ZSCAN20: variants seen among roughly 807,000 people sequenced by gnomAD.
ZSCAN20 encodes the protein zinc finger and SCAN domain-containing protein 20.
In ZSCAN20, 39 loss-of-function variants were observed where a neutral mutation model predicts 97.1. That is an observed-to-expected ratio of 0.40 (90% CI 0.31 to 0.52). ZSCAN20 has a LOEUF of 0.52. Among genes scored for constraint, ZSCAN20 ranks in the 20% least tolerant of loss-of-function variants. The probability of loss-of-function intolerance (pLI) is 0.49; values close to 1 mark genes in which losing one functional copy is unlikely to be tolerated. For synonymous variants in ZSCAN20, 456 were observed against 467.3 expected, an observed-to-expected ratio of 0.98 and a Z score of 0.31; for missense variants, 1,115 against 1,290.4, an observed-to-expected ratio of 0.86 and a Z score of 2.08.
intron 2 of ZSCAN20, among the ~76,000 whole-genome samples, chr1:33,480,821 C>CA (rs907135637): frequency 1.4e-4 from 21 of 152,226 alleles, no homozygotes; most frequent in African/African-American, 4.8e-4. Flanking sequence ...CTATGACACA[C>CA]ATTTTGAATC....
chr1:33,477,915 G>A (rs1557434576), intron 1 of ZSCAN20, among the ~76,000 whole-genome samples: 1 of 151,852 alleles, frequency 6.6e-6, no homozygotes, highest in Non-Finnish European at 1.5e-5. Flanking sequence ...GTGCAGGGAA[G>A]GCCTTACGGA....
Position 33,491,647 on chromosome 1 carries a change from G to A in ZSCAN20, c.1389G>A (p.Glu463=), listed in dbSNP as rs770578139. The part of the protein sequence containing the change: ...DCNGAGLVNV[E]STQGPRIAGA... ...ACGGTGCTGGCCTGGTCAATGTTGAGTCTACCCAGGGGCCCAGGATTGCAG... is the reference window on the plus strand; with the variant it reads ...ACGGTGCTGGCCTGGTCAATGTTGAATCTACCCAGGGGCCCAGGATTGCAG... Residue 463 remains glutamate, a synonymous_variant, in exon 6 of 8, where the codon GAG becomes GAA. Transcript: ENST00000684572. The surrounding 1 kb of genome is among the most constrained non-coding windows in gnomAD (Gnocchi z 4.3). 1 of 1,613,822 alleles carries A rather than the reference G, an allele frequency of 6.2e-7. No individual in the cohort carries two copies. Among genetic ancestry groups the A allele is most frequent in the Non-Finnish European group, 8.5e-7 (1 of 1,179,828 alleles).
At position 33,494,865 on chromosome 1, in the gene ZSCAN20, T is replaced by C. The variant is rs1288079640; in HGVS notation, c.2521T>C (p.Trp841Arg). 1 of 1,614,080 alleles carries C rather than the reference T, an allele frequency of 6.2e-7. No individual in the cohort carries two copies. The highest frequency in any genetic ancestry group is 8.5e-7 in the Non-Finnish European group (1 of 1,180,046). Residue 841 changes from tryptophan to arginine, a missense_variant, in exon 8 of 8, where the codon TGG (tryptophan) becomes CGG (arginine). Coordinates refer to ENST00000684572, the MANE Select transcript of ZSCAN20 (RefSeq NM_001377376.1). ...CCAAAGCCCATCTTTTAGTGCTCAC[T>C]GGAGGAATTCTACAGAAGAGACAGC... is the stretch of plus-strand genomic sequence containing the variant. ...FAQSPSFSAH[W>R]RNSTEETAPE...
Position 33,501,292 on chromosome 1 carries a change from G to A in ZSCAN20, c.*5816G>A, listed in dbSNP as rs999828683. The stretch of plus-strand genomic sequence containing the variant: ...AACCCGGTTGGTGTGTCCTGGAGAA[G>A]CACAGGTGTCATCTCCAGGGACCTT... On this transcript the variant is annotated 3_prime_UTR_variant, in exon 8 of 8. Transcript: ENST00000684572. Among the ~76,000 whole-genome samples the A allele has an allele frequency of 2.6e-5, 4 of 152,212 alleles. No homozygotes were observed. Among genetic ancestry groups the A allele is most frequent in the Admixed American group, 6.5e-5 (1 of 15,288 alleles).
At chr1:33,488,996 A>C (rs887175252) in intron 3 of ZSCAN20, 119 bp from the exon 4 acceptor site, 1 of 790,772 alleles carries the variant, frequency 1.3e-6, no homozygotes, top group Non-Finnish European at 2.1e-6. Context: ...GGAAGTCTGC[A>C]CTGGCCATAG....
In ZSCAN20 at chr1:33,498,826, C is replaced by T. The variant is rs1036195365; in HGVS notation, c.*3350C>T. Among the ~76,000 whole-genome samples, 2 of 152,138 alleles carry T rather than the reference C, an allele frequency of 1.3e-5. No homozygotes were observed. The highest frequency in any genetic ancestry group is 2.9e-5 in the Non-Finnish European group (2 of 68,024). On this transcript the variant is annotated 3_prime_UTR_variant, in exon 8 of 8. Coordinates refer to ENST00000684572, the MANE Select transcript of ZSCAN20 (RefSeq NM_001377376.1). Reference sequence around the variant, plus strand: ...AAGGGCATTGGCTCCTCTGAAGGGACAAAAAGGTACCTAAAGGACCTTAGG... The same window carrying T: ...AAGGGCATTGGCTCCTCTGAAGGGATAAAAAGGTACCTAAAGGACCTTAGG...
intron 2 of ZSCAN20, among the ~76,000 whole-genome samples, chr1:33,484,832 G>C (rs545710976): frequency 1.1e-4 from 17 of 152,044 alleles, no homozygotes; most frequent in African/African-American, 3.6e-4. Context: ...ATATTGGCCA[G>C]GCTGGTCTCA....
Position 33,499,543 on chromosome 1 carries a change from C to T in ZSCAN20, c.*4067C>T, listed in dbSNP as rs941831392. 2.0e-5 allele frequency among the ~76,000 whole-genome samples: 3 copies of T among 152,092 alleles called. No individual in the cohort carries two copies. Among genetic ancestry groups the T allele is most frequent in the Non-Finnish European group, 2.9e-5 (2 of 68,024 alleles). The stretch of plus-strand genomic sequence containing the variant: ...GGGCTCTTGGCCTGCCCATTCAGCA[C>T]GTGCATTGATGTACACACTCAGTGA... On this transcript the variant is annotated 3_prime_UTR_variant, in exon 8 of 8. Coordinates refer to ENST00000684572, the MANE Select transcript of ZSCAN20 (RefSeq NM_001377376.1).
rs866759691 is a variant in ZSCAN20, at chr1:33,498,396, C to T, written c.*2920C>T. Among the ~76,000 whole-genome samples, 1 of 152,202 alleles carries T rather than the reference C, an allele frequency of 6.6e-6. No homozygotes were observed. The highest frequency in any genetic ancestry group is 2.4e-5 in the African/African-American group (1 of 41,442). ...TCATGAAAGCAAGGCCAGTGTGGGC[C>T]AGGTGAGAAAATGGCCCAGGTGGTC... is the stretch of plus-strand genomic sequence containing the variant. On this transcript the variant is annotated 3_prime_UTR_variant, in exon 8 of 8. Coordinates refer to ENST00000684572, the MANE Select transcript of ZSCAN20 (RefSeq NM_001377376.1).
chr1:33,475,053 G>A (rs1651868745), intron 1 of ZSCAN20, among the ~76,000 whole-genome samples: 2 of 152,200 alleles, frequency 1.3e-5, no homozygotes, highest in Admixed American at 6.5e-5. Context: ...AGTGGCAGGA[G>A]TGGAACTAGA....
intron 1 of ZSCAN20, among the ~76,000 whole-genome samples, chr1:33,475,264 G>A (rs991515904): frequency 1.3e-5 from 2 of 152,154 alleles, no homozygotes; most frequent in African/African-American, 4.8e-5. Context: ...TAAACACTCA[G>A]TTTCCCTTTA....
Position 33,493,694 on chromosome 1 carries a change from G to T in ZSCAN20, c.1873+79G>T. On this transcript the variant is annotated intron_variant, in intron 7 of 7. Transcript: ENST00000684572. This position sits in a 1 kb window ranked among gnomAD's most constrained non-coding sequence, Gnocchi z 4.3. ...GAGGAAGCCAGGCTCATTATCTTTT[G>T]TCTCTTAACTAAAAGAGAGAATGGG... 1.4e-6 allele frequency: 2 copies of T among 1,403,512 alleles called. No homozygotes were observed. The highest frequency in any genetic ancestry group is 2.3e-5 in the East Asian group (1 of 43,380). 86.9% of individuals were successfully genotyped at this position (1,403,512 alleles called of 1,614,324 possible). A position where few individuals can be genotyped will look rare whatever the true frequency, so the allele number is the denominator to read the frequency against.
intron 2 of ZSCAN20, among the ~76,000 whole-genome samples, chr1:33,487,819 T>G (rs1450475372): frequency 6.6e-6 from 1 of 151,962 alleles, no homozygotes; most frequent in Non-Finnish European, 1.5e-5. Flanking sequence ...ATTTTATTTA[T>G]TTATTTATTT....
At chr1:33,473,993 G>A (rs1004583111) in intron 1 of ZSCAN20, among the ~76,000 whole-genome samples, 9 of 152,176 alleles carry the variant, frequency 5.9e-5, no homozygotes, top group Admixed American at 3.3e-4. Context: ...GGATTTCCAG[G>A]GCAGGAGCTT....
chr1:33,480,247 G>T (rs779341157), intron 2 of ZSCAN20, among the ~76,000 whole-genome samples: 27 of 152,282 alleles, frequency 1.8e-4, no homozygotes, highest in Non-Finnish European at 2.8e-4. Flanking sequence ...GGTGGCTCAC[G>T]CCTGTAATCC....
Position 33,479,513 on chromosome 1 carries a change from C to T in ZSCAN20, c.225C>T (p.Leu75=), listed in dbSNP as rs763746580. The change falls in exon 2 of 8, where the codon CTC becomes CTT. Residue 75 remains leucine (L), a synonymous_variant. Coordinates refer to ENST00000684572, the MANE Select transcript of ZSCAN20 (RefSeq NM_001377376.1). ...AGGCCTTCAGCCAGCTCTGGGCTCT[C>T]TGCTGTCGTTGGCTGAGGCCGGAGA... ...PHEAFSQLWA[L]CCRWLRPEIR... 1 of 1,613,206 alleles carries T rather than the reference C, an allele frequency of 6.2e-7. No individual in the cohort carries two copies. The highest frequency in any genetic ancestry group is 8.5e-7 in the Non-Finnish European group (1 of 1,179,474).
intron 5 of ZSCAN20, among the ~76,000 whole-genome samples, chr1:33,490,765 T>C (rs2148471066): frequency 6.6e-6 from 1 of 151,802 alleles, no homozygotes; most frequent in South Asian, 2.1e-4. Context: ...GACCAATGAG[T>C]TACTCTTATA....
At position 33,500,663 on chromosome 1, in the gene ZSCAN20, C is replaced by CTTTTTTT. The variant is rs36062419; in HGVS notation, c.*5197_*5203dup. Among the ~76,000 whole-genome samples the CTTTTTTT allele has an allele frequency of 7.1e-6, 1 of 141,362 alleles. No individual in the cohort carries two copies. Among genetic ancestry groups the CTTTTTTT allele is most frequent in the African/African-American group, 2.6e-5 (1 of 37,950 alleles). The allele number at this position is 141,362 out of a possible 152,430, so 92.7% of individuals were successfully genotyped here. Reference sequence around the variant, plus strand: ...TACATGATACTTATTTCTAAAGTCACTTTTTTTTTTTTTTTTACATTTTCA... The same window carrying CTTTTTTT: ...TACATGATACTTATTTCTAAAGTCACTTTTTTTTTTTTTTTTTTTTTTTACATTTTCA... On this transcript the variant is annotated 3_prime_UTR_variant, in exon 8 of 8. Coordinates refer to ENST00000684572, the MANE Select transcript of ZSCAN20 (RefSeq NM_001377376.1).
At position 33,488,576 on chromosome 1, in the gene ZSCAN20, G is replaced by C. The variant is rs781734318; in HGVS notation, c.529G>C (p.Gly177Arg). 8.7e-6 allele frequency: 14 copies of C among 1,613,150 alleles called. No individual in the cohort carries two copies. Among genetic ancestry groups the C allele is most frequent in the Admixed American group, 1.7e-5 (1 of 59,678 alleles). Residue 177 changes from glycine (G) to arginine (R), a missense_variant, in exon 3 of 8, where the codon GGG becomes CGG. By Grantham distance (125) the Gly-to-Arg change is moderately radical. Around this residue, in one of 3 missense-constraint regions of ZSCAN20, gnomAD observed 508 missense variants for 611.2 expected, o/e 0.83. Transcript: ENST00000684572. ...PWPEGQSQKK[G>R]VKNTCPDLPN... ...GCCTGAGGGACAGTCCCAGAAGAAG[G>C]GGGTGAAGAATACATGCCCTGACCT...
Sources: allele counts gnomAD v4.1 joint callset (sites outside exome capture counted in the v4.1 genomes callset), GRCh38; gene constraint gnomAD v4.1.1; regional missense constraint gnomAD v4.1.1; non-coding constraint Gnocchi (gnomAD v3.1); transcripts MANE v1.5; gene names NCBI Gene and HGNC (gene_info 2026-07-23, HGNC 2026-07-21).